The following MBD2 variants were observed in gnomAD, a reference collection of about 807,000 sequenced individuals.
MBD2 encodes methyl-CpG-binding domain protein 2.
A neutral mutation model predicts 39.3 loss-of-function variants in MBD2; 9 were observed. The observed-to-expected ratio is 0.23, with a 90% CI of 0.14 to 0.40. MBD2 has a LOEUF of 0.40. MBD2 is among the 10% of genes least tolerant of loss of function. The pLI, the probability that MBD2 is intolerant of heterozygous loss-of-function variation, is 1.00. For missense variants in MBD2, 458 were observed against 532.6 expected, an observed-to-expected ratio of 0.86 and a Z score of 1.38; for synonymous variants, 233 against 211.1, an observed-to-expected ratio of 1.10 and a Z score of -0.90.
Position 54,205,120 on chromosome 18 carries a change from C to T in MBD2, c.580G>A (p.Ala194Thr). The change falls in exon 2 of 7, where the codon GCA becomes ACA. Residue 194 changes from alanine (A) to threonine (T), a missense_variant. By Grantham distance (58) the Ala-to-Thr change is moderately conservative (BLOSUM62 0). Around this residue, in one of 2 missense-constraint regions of MBD2, gnomAD observed 189 missense variants for 296.6 expected, o/e 0.64. Coordinates refer to ENST00000256429, the MANE Select transcript of MBD2 (RefSeq NM_003927.5). ...GKKFRSKPQL[A>T]RYLGNTVDLS... ...TCAACAGTATTTCCCAGGTACCTTGCCAACTGAGGCTTGCTTCTGAACTTC... is the reference window on the plus strand; with the variant it reads ...TCAACAGTATTTCCCAGGTACCTTGTCAACTGAGGCTTGCTTCTGAACTTC... The T allele has an allele frequency of 6.2e-7, 1 of 1,613,822 alleles. No homozygotes were observed. The highest frequency in any genetic ancestry group is 1.1e-5 in the South Asian group (1 of 91,010).
At chr18:54,188,191 A>C (rs1005810732) in intron 3 of MBD2, among the ~76,000 whole-genome samples, 3 of 152,072 alleles carry the variant, frequency 2.0e-5, no homozygotes, top group African/African-American at 7.2e-5. Flanking sequence ...CTTTTTGACC[A>C]CAATTAGGGA....
At chr18:54,218,924 T>C (rs1014973331) in intron 1 of MBD2, among the ~76,000 whole-genome samples, 57 of 148,584 alleles carry the variant, frequency 3.8e-4, no homozygotes, top group African/African-American at 1.4e-3. Flanking sequence ...ATTGCACCAC[T>C]GCACTCCAGC....
chr18:54,157,324 G>A (rs1476233393), intron 6 of MBD2, among the ~76,000 whole-genome samples: 4 of 151,374 alleles, frequency 2.6e-5, no homozygotes, highest in South Asian at 2.1e-4. Flanking sequence ...GCAGTGGCGC[G>A]ATCTCGGCTC....
chr18:54,221,518 C>A (rs2086612628), intron 1 of MBD2, among the ~76,000 whole-genome samples: 1 of 149,382 alleles, frequency 6.7e-6, no homozygotes. Flanking sequence ...CCTGGTGGCT[C>A]ACACCTGTAA....
At chr18:54,209,155 G>T (rs1214945802) in intron 1 of MBD2, among the ~76,000 whole-genome samples, 1 of 152,004 alleles carries the variant, frequency 6.6e-6, no homozygotes, top group Non-Finnish European at 1.5e-5. Flanking sequence ...AATTAGCCCA[G>T]CGTGGCGGCG....
At position 54,224,178 on chromosome 18, in the gene MBD2, G is replaced by A. The variant is rs924755243; in HGVS notation, c.382C>T (p.Pro128Ser). 5 of 1,276,988 alleles carry A rather than the reference G, an allele frequency of 3.9e-6. No homozygotes were observed. Among genetic ancestry groups the A allele is most frequent in the Non-Finnish European group, 4.9e-6 (5 of 1,011,956 alleles). The allele number at this position is 1,276,988 out of a possible 1,614,324, so 79.1% of individuals were successfully genotyped here. A position where few individuals can be genotyped will look rare whatever the true frequency, so the allele number is the denominator to read the frequency against. Residue 128 changes from proline (P) to serine (S), a missense_variant, in exon 1 of 7, where the codon CCT becomes TCT. Physicochemically the swap from Pro to Ser is moderately conservative, Grantham distance 74. This residue lies in a region of MBD2 where 269 missense variants were observed against 236.0 expected (regional missense o/e 1.14). Coordinates refer to ENST00000256429, the MANE Select transcript of MBD2 (RefSeq NM_003927.5). ...GGCCCCGCGCTCCCCGACGGGAAAGGGACCGGCTCCCGCCGGGGGGCGCCG... is the reference window on the plus strand; with the variant it reads ...GGCCCCGCGCTCCCCGACGGGAAAGAGACCGGCTCCCGCCGGGGGGCGCCG... Reference protein sequence around the residue: ...GGGAPRREPVPFPSGSAGPGP... With the variant: ...GGGAPRREPVSFPSGSAGPGP...
Position 54,201,058 on chromosome 18 carries a change from C to T in MBD2, c.702+3940G>A, listed in dbSNP as rs377704450. On this transcript the variant is annotated intron_variant, in intron 2 of 6. Coordinates refer to ENST00000256429, the MANE Select transcript of MBD2 (RefSeq NM_003927.5). ...TCACGCCACTGCACTCCAGCCTGGGCGACAGAGCGAGACCCCGTCTCAAAA... is the reference window on the plus strand; with the variant it reads ...TCACGCCACTGCACTCCAGCCTGGGTGACAGAGCGAGACCCCGTCTCAAAA... 4.1e-3 allele frequency among the ~76,000 whole-genome samples: 611 copies of T among 148,370 alleles called. 3 individuals are homozygous for T. Among genetic ancestry groups the T allele is most frequent in the African/African-American group, 0.013 (517 of 39,942 alleles).
Position 54,205,151 on chromosome 18 carries a change from A to G in MBD2, c.549T>C (p.Ser183=). 1 of 1,612,636 alleles carries G rather than the reference A, an allele frequency of 6.2e-7. No homozygotes were observed. Among genetic ancestry groups the G allele is most frequent in the Non-Finnish European group, 8.5e-7 (1 of 1,179,486 alleles). The change falls in exon 2 of 7, where the codon AGT becomes AGC. Residue 183 remains serine (S), a synonymous_variant. Transcript: ENST00000256429. The part of the protein sequence containing the change: ...GKSDVYYFSP[S]GKKFRSKPQL... Reference sequence around the variant, plus strand: ...GAGGCTTGCTTCTGAACTTCTTACCACTTGGACTAGAAGAAAGTAAGGTTA... The same window carrying G: ...GAGGCTTGCTTCTGAACTTCTTACCGCTTGGACTAGAAGAAAGTAAGGTTA...
At chr18:54,217,064 G>A (rs2086567492) in intron 1 of MBD2, among the ~76,000 whole-genome samples, 1 of 152,098 alleles carries the variant, frequency 6.6e-6, no homozygotes, top group African/African-American at 2.4e-5. Context: ...ACTCCAGCCT[G>A]GGCAACAAGA....
chr18:54,188,844 A>G (rs201061908), intron 3 of MBD2, 30 bp downstream of exon 3: 164 of 1,561,272 alleles, frequency 1.1e-4, no homozygotes, highest in Non-Finnish European at 1.4e-4. Flanking sequence ...TTTCTGAAAA[A>G]TAAGATTGGA....
chr18:54,220,989 GA>G (rs1466462969), intron 1 of MBD2, among the ~76,000 whole-genome samples: 2 of 152,158 alleles, frequency 1.3e-5, no homozygotes, highest in Non-Finnish European at 2.9e-5. Flanking sequence ...GGCCCTGAAT[GA>G]AACAGGTTTG....
At chr18:54,165,429 C>T (rs2086124312) in intron 4 of MBD2, among the ~76,000 whole-genome samples, 1 of 152,194 alleles carries the variant, frequency 6.6e-6, no homozygotes, top group Non-Finnish European at 1.5e-5. Context: ...AGGCAATAAT[C>T]TAACCATGAA....
chr18:54,160,161 C>A, intron 5 of MBD2: 1 of 372,178 alleles, frequency 2.7e-6, no homozygotes, highest in Non-Finnish European at 5.0e-6. Flanking sequence ...ACGTCAGTGA[C>A]CTTTTCTTCA....
chr18:54,174,813 G>T (rs577026126), intron 3 of MBD2, among the ~76,000 whole-genome samples: 10 of 152,296 alleles, frequency 6.6e-5, no homozygotes, highest in Admixed American at 2.6e-4. Flanking sequence ...TGTACAGAGA[G>T]ATTTTAGATT....
At chr18:54,169,916 GT>G (rs755316414) in intron 3 of MBD2, among the ~76,000 whole-genome samples, 3 of 152,120 alleles carry the variant, frequency 2.0e-5, no homozygotes, top group Non-Finnish European at 2.9e-5. Flanking sequence ...TGTTCTCTTT[GT>G]TACCTTCCAG....
Position 54,224,076 on chromosome 18 carries a change from C to G in MBD2, c.484G>C (p.Glu162Gln). 1 of 1,602,566 alleles carries G rather than the reference C, an allele frequency of 6.2e-7. No homozygotes were observed. The highest frequency in any genetic ancestry group is 8.5e-7 in the Non-Finnish European group (1 of 1,176,708). ...CPALPPGWKK[E>Q]EVIRKSGLSA... ...AGCCCAGATTTTCGGATCACTTCCT[C>G]CTTCTTCCATCCGGGGGGGAGGGCC... The change falls in exon 1 of 7, where the codon GAG (glutamate) becomes CAG (glutamine). Residue 162 changes from glutamate (E) to glutamine (Q), a missense_variant. By Grantham distance (29) the Glu-to-Gln change is conservative. Around this residue, in one of 2 missense-constraint regions of MBD2, gnomAD observed 269 missense variants for 236.0 expected, o/e 1.14. Coordinates refer to ENST00000256429, the MANE Select transcript of MBD2 (RefSeq NM_003927.5).
intron 5 of MBD2, among the ~76,000 whole-genome samples, chr18:54,160,886 C>A (rs2086092164): frequency 6.6e-6 from 1 of 150,614 alleles, no homozygotes; most frequent in South Asian, 2.1e-4. Context: ...GAAAAGGGGG[C>A]AAAGCTCTTG....
At position 54,153,782 on chromosome 18, in the gene MBD2, C is replaced by T. The variant is rs1037758972; in HGVS notation, c.*1542G>A. 4 of 152,234 alleles carry T rather than the reference C, an allele frequency of 2.6e-5. No individual in the cohort carries two copies. The highest frequency in any genetic ancestry group is 2.6e-4 in the Admixed American group (4 of 15,286). The allele number at this position is 152,234 out of a possible 1,614,324, so 9.4% of individuals were successfully genotyped here. On this transcript the variant is annotated 3_prime_UTR_variant, in exon 7 of 7. Transcript: ENST00000256429. ...GGCTTCCCAGGGTCTACAAGTTTCC[C>T]TGCTCATCCACCAGCAGGACTGCTT...
intron 2 of MBD2, among the ~76,000 whole-genome samples, chr18:54,196,331 G>A (rs1182999366): frequency 6.6e-6 from 1 of 152,126 alleles, no homozygotes; most frequent in Non-Finnish European, 1.5e-5. Context: ...CCTGTTCACA[G>A]AAGAATGATT....
Sources: allele counts gnomAD v4.1 joint callset (sites outside exome capture counted in the v4.1 genomes callset), GRCh38; gene constraint gnomAD v4.1.1; regional missense constraint gnomAD v4.1.1; transcripts MANE v1.5; gene names NCBI Gene and HGNC (gene_info 2026-07-23, HGNC 2026-07-21).